Variants in UBAP1 observed in about 807,000 individuals in gnomAD.
The protein encoded by UBAP1 is ubiquitin-associated protein 1.
Under a neutral mutation model 39.0 loss-of-function variants are expected in UBAP1, and 5 were observed. The observed-to-expected ratio is 0.13, with a 90% confidence interval of 0.07 to 0.27. The LOEUF (loss-of-function observed/expected upper bound fraction) is 0.27. Ranked by LOEUF, UBAP1 falls within the 10% of genes least tolerant of loss-of-function variation. UBAP1 has a pLI of 1.00. For missense variants in UBAP1, 490 were observed against 608.1 expected, an observed-to-expected ratio of 0.81 and a Z score of 2.04; for synonymous variants, 211 against 225.1, an observed-to-expected ratio of 0.94 and a Z score of 0.56.
At chr9:34,181,919 G>T (rs1830061001) in intron 1 of UBAP1, among the ~76,000 whole-genome samples, 1 of 149,946 alleles carries the variant, frequency 6.7e-6, no homozygotes, top group Non-Finnish European at 1.5e-5. Context: ...GATAATAATA[G>T]ATCTGTAGAC....
chr9:34,239,398 C>T (rs537442943), intron 3 of UBAP1, among the ~76,000 whole-genome samples: 12 of 152,332 alleles, frequency 7.9e-5, no homozygotes, highest in South Asian at 2.1e-4. Flanking sequence ...TGGTCCCCTC[C>T]GTACCCAGAG....
chr9:34,240,801 A>C (rs945925603), intron 3 of UBAP1, among the ~76,000 whole-genome samples: 1 of 152,200 alleles, frequency 6.6e-6, no homozygotes, highest in Non-Finnish European at 1.5e-5. Flanking sequence ...AGTTACTTTA[A>C]AAGGTTATTG....
chr9:34,201,413 G>A (rs1211756188), intron 1 of UBAP1: 3 of 151,096 alleles, frequency 2.0e-5, no homozygotes, highest in Non-Finnish European at 4.4e-5. Context: ...GTGTGGTGGT[G>A]TGTGCCTATA....
chr9:34,219,286 C>T (rs1448619373), intron 1 of UBAP1, among the ~76,000 whole-genome samples: 1 of 152,008 alleles, frequency 6.6e-6, no homozygotes, highest in African/African-American at 2.4e-5. Flanking sequence ...TGAGGTTTCA[C>T]CATGTTGCCC....
Position 34,182,681 on chromosome 9 carries a change from T to TTCTC in UBAP1, c.-8+3449_-8+3452dup, listed in dbSNP as rs1437312393. Among the ~76,000 whole-genome samples, 536 of 115,548 alleles carry TTCTC rather than the reference T, an allele frequency of 4.6e-3. 9 individuals are homozygous for TTCTC. Among genetic ancestry groups the TTCTC allele is most frequent in the Non-Finnish European group, 5.6e-3 (309 of 55,300 alleles). 75.8% of individuals were successfully genotyped at this position (115,548 alleles called of 152,430 possible). ...TTTCTTTCTTTCTTTCTTTCTTTCT[T>TTCTC]TCTCTCTCTCTTTCTTTTCTTTTCT... On this transcript the variant is annotated intron_variant, in intron 1 of 6. Transcript: ENST00000297661.
At chr9:34,207,732 G>C (rs1312237512) in intron 1 of UBAP1, among the ~76,000 whole-genome samples, 1 of 151,372 alleles carries the variant, frequency 6.6e-6, no homozygotes, top group Non-Finnish European at 1.5e-5. Context: ...GGCTTAAGCA[G>C]TTCTCTTGTT....
chr9:34,231,645 T>G (rs201626084), intron 2 of UBAP1, among the ~76,000 whole-genome samples: 114 of 132,012 alleles, frequency 8.6e-4, no homozygotes, highest in Middle Eastern at 4.0e-3. Context: ...TGTTTTTTTT[T>G]TTTGTTTGTT....
At chr9:34,182,648 TTTCTTTCTTTCTTTCTTTCTTTC>T (rs1830125226) in intron 1 of UBAP1, among the ~76,000 whole-genome samples, 2 of 61,740 alleles carry the variant, frequency 3.2e-5, no homozygotes, top group South Asian at 9.5e-4. Flanking sequence ...TCTTTCTTTC[TTTCTTTCTTTCTTTCTTTCTTTC>T]TTTCTTTCTT....
intron 1 of UBAP1, among the ~76,000 whole-genome samples, chr9:34,209,368 C>G (rs1206642568): frequency 6.6e-6 from 1 of 152,158 alleles, no homozygotes; most frequent in Non-Finnish European, 1.5e-5. Context: ...TGCTTTTGAT[C>G]TAACAATATA....
chr9:34,230,346 G>A (rs1833343808), intron 2 of UBAP1, among the ~76,000 whole-genome samples: 1 of 152,214 alleles, frequency 6.6e-6, no homozygotes, highest in African/African-American at 2.4e-5. Flanking sequence ...TTACAGGCGT[G>A]AGCTGCCGCA....
chr9:34,179,697 G>C (rs1829906897), intron 1 of UBAP1, among the ~76,000 whole-genome samples: 1 of 152,094 alleles, frequency 6.6e-6, no homozygotes, highest in African/African-American at 2.4e-5. Flanking sequence ...GTGGAGACTA[G>C]ACCAGAGGTG....
chr9:34,236,732 C>T (rs1050516113), intron 3 of UBAP1, among the ~76,000 whole-genome samples: 1 of 151,850 alleles, frequency 6.6e-6, no homozygotes, highest in Admixed American at 6.6e-5. Flanking sequence ...TTAATTGGCC[C>T]TTCTGCTTGC....
At position 34,195,927 on chromosome 9, in the gene UBAP1, G is replaced by GTTTTTTTTTTT. The variant is rs57040252; in HGVS notation, c.-8+16714_-8+16724dup. ...TTTGGATTTCTATACAAATTTTTTG[G>GTTTTTTTTTTT]TTTTTTTTTTTTTTTTTTTTTTTTT... is the stretch of plus-strand genomic sequence containing the variant. On this transcript the variant is annotated intron_variant, in intron 1 of 6. Transcript: ENST00000297661. 8.0e-4 allele frequency among the ~76,000 whole-genome samples: 29 copies of GTTTTTTTTTTT among 36,158 alleles called. 5 individuals carry two copies. Among genetic ancestry groups the GTTTTTTTTTTT allele is most frequent in the African/African-American group, 1.9e-3 (15 of 7,970 alleles). 23.7% of individuals were successfully genotyped at this position (36,158 alleles called of 152,430 possible). A position where few individuals can be genotyped will look rare whatever the true frequency, so the allele number is the denominator to read the frequency against.
intron 1 of UBAP1, among the ~76,000 whole-genome samples, chr9:34,205,775 C>T (rs555087231): frequency 1.3e-5 from 2 of 152,176 alleles, no homozygotes; most frequent in East Asian, 1.9e-4. Context: ...GGGAGGATCA[C>T]GAGGTCAAGA....
At chr9:34,217,502 C>G (rs746511434) in intron 1 of UBAP1, among the ~76,000 whole-genome samples, 3 of 152,122 alleles carry the variant, frequency 2.0e-5, no homozygotes, top group East Asian at 1.9e-4. Context: ...TCTCAAAGTT[C>G]TAAGATTACA....
At chr9:34,179,526 C>T (rs1829898893) in intron 1 of UBAP1, among the ~76,000 whole-genome samples, 1 of 151,810 alleles carries the variant, frequency 6.6e-6, no homozygotes, top group African/African-American at 2.4e-5. Context: ...GCATAGTAGA[C>T]ATCTATCGGG....
chr9:34,218,663 G>A (rs966946906), intron 1 of UBAP1, among the ~76,000 whole-genome samples: 9 of 152,198 alleles, frequency 5.9e-5, no homozygotes, highest in Non-Finnish European at 1.0e-4. Context: ...ACCGGGTGCA[G>A]TGGCTCATGC....
intron 1 of UBAP1, among the ~76,000 whole-genome samples, chr9:34,194,613 C>T (rs1830919194): frequency 6.6e-6 from 1 of 152,088 alleles, no homozygotes; most frequent in Non-Finnish European, 1.5e-5. Context: ...CGCACCTGAC[C>T]AATAAAAATT....
intron 1 of UBAP1, among the ~76,000 whole-genome samples, chr9:34,189,024 G>A (rs1830569667): frequency 6.6e-6 from 1 of 152,014 alleles, no homozygotes; most frequent in African/African-American, 2.4e-5. Context: ...CATCATCATG[G>A]TCTTGGTCCC....
Sources: allele counts gnomAD v4.1 joint callset (sites outside exome capture counted in the v4.1 genomes callset), GRCh38; gene constraint gnomAD v4.1.1; transcripts MANE v1.5; gene names NCBI Gene and HGNC (gene_info 2026-07-23, HGNC 2026-07-21).